The following SORCS1 variants were observed in gnomAD, a reference collection of about 807,000 sequenced individuals.
SORCS1 encodes the protein sortilin related VPS10 domain containing receptor 1.
Under a neutral mutation model 146.1 loss-of-function variants are expected in SORCS1, and 60 were observed. That is an observed-to-expected ratio of 0.41 (90% CI 0.33 to 0.51). SORCS1 has a LOEUF of 0.51. SORCS1 is among the 20% of genes least tolerant of loss of function. The probability of loss-of-function intolerance (pLI) is 0.21; values close to 1 mark genes in which losing one functional copy is unlikely to be tolerated. For synonymous variants in SORCS1, 637 were observed against 584.0 expected, an observed-to-expected ratio of 1.09 and a Z score of -1.31; for missense variants, 1,352 against 1,487.6, an observed-to-expected ratio of 0.91 and a Z score of 1.50.
chr10:107,058,039 A>T (rs79975313), intron 1 of SORCS1, among the ~76,000 whole-genome samples: 19,897 of 150,882 alleles, frequency 0.13, 1,554 homozygotes, highest in South Asian at 0.22. Context: ...TTTAAAAAAA[A>T]TTTTTTTTTT....
intron 2 of SORCS1, among the ~76,000 whole-genome samples, chr10:106,895,454 T>C (rs979490040): frequency 2.6e-5 from 4 of 151,992 alleles, no homozygotes; most frequent in Non-Finnish European, 5.9e-5. Flanking sequence ...CTACTAAACA[T>C]ACAAAAATTA....
intron 2 of SORCS1, among the ~76,000 whole-genome samples, chr10:106,868,538 A>C (rs1950300909): frequency 6.6e-6 from 1 of 152,112 alleles, no homozygotes; most frequent in African/African-American, 2.4e-5. Context: ...GACTAAAAAA[A>C]TTGCTCAAAA....
intron 19 of SORCS1, among the ~76,000 whole-genome samples, chr10:106,628,276 C>G (rs1038984090): frequency 6.6e-6 from 1 of 152,174 alleles, no homozygotes; most frequent in African/African-American, 2.4e-5. Context: ...ACCACAGCAG[C>G]TAAAAAAGAA....
chr10:106,899,436 A>G (rs374638606), intron 2 of SORCS1, among the ~76,000 whole-genome samples: 1 of 152,114 alleles, frequency 6.6e-6, no homozygotes, highest in Non-Finnish European at 1.5e-5. Context: ...AAAGCGTCCA[A>G]CTCTCTCTCC....
At chr10:106,913,273 A>C (rs756742421) in intron 2 of SORCS1, among the ~76,000 whole-genome samples, 5 of 152,232 alleles carry the variant, frequency 3.3e-5, no homozygotes, top group Non-Finnish European at 7.3e-5. Flanking sequence ...TCGAATGTTC[A>C]TTATTCAATG....
chr10:106,697,231 G>A (rs915852123), intron 9 of SORCS1, among the ~76,000 whole-genome samples: 5 of 152,092 alleles, frequency 3.3e-5, no homozygotes, highest in African/African-American at 9.7e-5. Context: ...TTGGGAGGCC[G>A]AGGCGGGCAG....
chr10:106,612,590 G>A (rs1450294714), intron 21 of SORCS1, among the ~76,000 whole-genome samples: 2 of 151,904 alleles, frequency 1.3e-5, no homozygotes, highest in African/African-American at 4.8e-5. Flanking sequence ...AGAGGGATAC[G>A]TGGGGGCAGC....
In SORCS1 at chr10:107,109,706, C is replaced by T. The variant is rs78118198; in HGVS notation, c.558+54263G>A. 3.2e-3 allele frequency among the ~76,000 whole-genome samples: 493 copies of T among 152,330 alleles called. 2 individuals carry two copies. The highest frequency in any genetic ancestry group is 0.02 in the East Asian group (102 of 5,174). On this transcript the variant is annotated intron_variant, in intron 1 of 25. Transcript: ENST00000263054. Reference sequence around the variant, plus strand: ...AAATTTCTCTAGCAAGCGGTTGCTACGTAGCCTGCTTGAATTCCTCTCCTG... The same window carrying T: ...AAATTTCTCTAGCAAGCGGTTGCTATGTAGCCTGCTTGAATTCCTCTCCTG...
intron 3 of SORCS1, among the ~76,000 whole-genome samples, chr10:106,826,471 T>G (rs1309882626): frequency 2.0e-5 from 3 of 152,218 alleles, no homozygotes; most frequent in Non-Finnish European, 4.4e-5. Flanking sequence ...AGCCTGAAAT[T>G]TCTTTCTTTT....
At chr10:106,778,053 G>A (rs1237286693) in intron 3 of SORCS1, among the ~76,000 whole-genome samples, 1 of 152,132 alleles carries the variant, frequency 6.6e-6, no homozygotes, top group East Asian at 1.9e-4. Context: ...AACACATGGA[G>A]CTTTCTCAAG....
chr10:106,973,535 G>A (rs1040466061), intron 1 of SORCS1, among the ~76,000 whole-genome samples: 1 of 152,192 alleles, frequency 6.6e-6, no homozygotes, highest in African/African-American at 2.4e-5. Flanking sequence ...AAGACTGCAA[G>A]GGGGTCTTGT....
At chr10:106,923,089 C>T (rs1299005411) in intron 2 of SORCS1, among the ~76,000 whole-genome samples, 2 of 152,108 alleles carry the variant, frequency 1.3e-5, no homozygotes, top group Non-Finnish European at 2.9e-5. Context: ...CGGGGTTTCA[C>T]GATGTTGGCC....
At chr10:106,737,036 AGT>A (rs1301020744) in intron 5 of SORCS1, among the ~76,000 whole-genome samples, 5 of 146,384 alleles carry the variant, frequency 3.4e-5, no homozygotes, top group African/African-American at 1.0e-4. Context: ...TCTGCAGCAA[AGT>A]GTGTGTGTGT....
intron 2 of SORCS1, among the ~76,000 whole-genome samples, chr10:106,861,503 C>A (rs895202442): frequency 6.6e-6 from 1 of 151,808 alleles, no homozygotes; most frequent in Non-Finnish European, 1.5e-5. Flanking sequence ...CATACATATG[C>A]AAATTATGAA....
At chr10:106,954,591 T>C (rs1187056971) in intron 2 of SORCS1, among the ~76,000 whole-genome samples, 4 of 152,282 alleles carry the variant, frequency 2.6e-5, no homozygotes, top group Non-Finnish European at 5.9e-5. Flanking sequence ...CCTAGGAATT[T>C]GTTGGCCTTC....
chr10:106,906,677 C>T (rs1951921113), intron 2 of SORCS1, among the ~76,000 whole-genome samples: 1 of 152,190 alleles, frequency 6.6e-6, no homozygotes, highest in African/African-American at 2.4e-5. Context: ...CTGGGAGATA[C>T]AATTCCAGTT....
intron 24 of SORCS1, among the ~76,000 whole-genome samples, chr10:106,583,029 C>T (rs55820818): frequency 0.019 from 2,822 of 152,240 alleles, 35 homozygotes; most frequent in Middle Eastern, 0.048. Context: ...CTGGCTCTGT[C>T]ACTTATAGAC....
intron 2 of SORCS1, among the ~76,000 whole-genome samples, chr10:106,903,722 T>C (rs1218445469): frequency 6.6e-6 from 1 of 152,212 alleles, no homozygotes; most frequent in East Asian, 1.9e-4. Context: ...GACAAAGGGA[T>C]CAAATTCTAC....
intron 1 of SORCS1, 44 bp downstream of exon 1, chr10:107,163,924 CT>C: frequency 6.4e-7 from 1 of 1,572,180 alleles, no homozygotes. Context: ...GACTTTAACC[CT>C]TTCCATCTTT....
Sources: gnomAD v4.1 joint callset for allele counts (sites outside exome capture counted in the v4.1 genomes callset) on GRCh38, gnomAD v4.1.1 for gene constraint, MANE v1.5 for transcripts, NCBI Gene and HGNC (gene_info 2026-07-23, HGNC 2026-07-21) for gene names.